Variants in ZNF365 observed in about 807,000 individuals in gnomAD.
The protein encoded by ZNF365 is protein ZNF365.
A neutral mutation model predicts 35.0 loss-of-function variants in ZNF365; 22 were observed. The observed-to-expected ratio is 0.63, with a 90% CI of 0.45 to 0.90. ZNF365 has a LOEUF of 0.90. Among genes scored for constraint, ZNF365 ranks in the 40% least tolerant of loss-of-function variants. The probability of loss-of-function intolerance (pLI) is 0.00; values close to 1 mark genes in which losing one functional copy is unlikely to be tolerated. For missense variants in ZNF365, 448 were observed against 500.3 expected (o/e 0.90, Z 1.00); for synonymous variants, 188 against 196.2 (o/e 0.96, Z 0.35).
At chr10:62,388,349 C>T in intron 2 of ZNF365, 47 bp from the exon 3 acceptor site, 1 of 1,609,484 alleles carries the variant, frequency 6.2e-7, no homozygotes, top group Non-Finnish European at 8.5e-7. Flanking sequence ...TGAGTGAATT[C>T]CTTGCCTTAT....
At position 62,388,483 on chromosome 10, in the gene ZNF365, T is replaced by A; in HGVS notation, c.831T>A (p.Asn277Lys). ...GKARLQDFIE[N>K]LLQRVELAEK... ...CCCGGCTCCAGGACTTTATTGAGAA[T>A]CTGTTACAGCGGGTAGAACTGGCGG... The change falls in exon 3 of 5, where the codon AAT becomes AAA. Residue 277 changes from asparagine to lysine, a missense_variant. By Grantham distance (94) the Asn-to-Lys change is moderately conservative (BLOSUM62 0). Transcript: ENST00000395254. The A allele has an allele frequency of 2.5e-6, 4 of 1,614,234 alleles. No individual in the cohort carries two copies. The highest frequency in any genetic ancestry group is 3.4e-6 in the Non-Finnish European group (4 of 1,180,046).
intron 3 of ZNF365, among the ~76,000 whole-genome samples, chr10:62,436,139 A>G (rs541139887): frequency 1.6e-4 from 24 of 152,240 alleles, no homozygotes; most frequent in Middle Eastern, 3.4e-3. Context: ...ACTTATATAT[A>G]TATAAAGGAG....
At chr10:62,443,038 C>T (rs1840527699) in intron 3 of ZNF365, among the ~76,000 whole-genome samples, 1 of 152,184 alleles carries the variant, frequency 6.6e-6, no homozygotes, top group Admixed American at 6.5e-5. Context: ...CTCAACCGGG[C>T]TTTGAATTCT....
intron 4 of ZNF365, 108 bp downstream of exon 4, chr10:62,398,885 A>G (rs761435655): frequency 4.3e-6 from 5 of 1,166,952 alleles, no homozygotes; most frequent in Non-Finnish European, 6.0e-6. Context: ...TCTATATTAT[A>G]AATGGCTTTG....
At chr10:62,378,145 T>C (rs1468122609) in intron 2 of ZNF365, among the ~76,000 whole-genome samples, 6 of 152,214 alleles carry the variant, frequency 3.9e-5, no homozygotes, top group African/African-American at 1.4e-4. Context: ...TAATGAAAAA[T>C]GTTTCCCTTT....
intron 3 of ZNF365, among the ~76,000 whole-genome samples, chr10:62,451,150 G>A (rs948906150): frequency 2.6e-5 from 4 of 152,186 alleles, no homozygotes; most frequent in Non-Finnish European, 5.9e-5. Context: ...TCGTGCGTGT[G>A]AGATGTAGGG....
intron 3 of ZNF365, among the ~76,000 whole-genome samples, chr10:62,449,786 C>T (rs565279173): frequency 6.7e-6 from 1 of 149,586 alleles, no homozygotes; most frequent in South Asian, 2.1e-4. Context: ...AGTTGGTCAA[C>T]TTTTTTGCAC....
intron 3 of ZNF365, among the ~76,000 whole-genome samples, chr10:62,419,872 G>GT (rs1840138729): frequency 6.6e-6 from 1 of 152,058 alleles, no homozygotes; most frequent in East Asian, 1.9e-4. Flanking sequence ...ATTAATTAAT[G>GT]TTTTATCATT....
intron 3 of ZNF365, among the ~76,000 whole-genome samples, chr10:62,395,943 C>G (rs1341936722): frequency 1.3e-5 from 2 of 152,176 alleles, no homozygotes; most frequent in Non-Finnish European, 2.9e-5. Context: ...TGATCCTCAT[C>G]TTAACATCCT....
At chr10:62,471,387 G>A (rs1348089592) in intron 4 of ZNF365, among the ~76,000 whole-genome samples, 1 of 145,644 alleles carries the variant, frequency 6.9e-6, no homozygotes, top group African/African-American at 2.6e-5. Context: ...AAAAAAAATA[G>A]GTATTCTCTC....
In ZNF365 at chr10:62,376,951, CA is replaced by C. The variant is rs771224158; in HGVS notation, c.743+16del. The C allele has an allele frequency of 6.2e-7, 1 of 1,602,832 alleles. No homozygotes were observed. Among genetic ancestry groups the C allele is most frequent in the Non-Finnish European group, 8.5e-7 (1 of 1,174,100 alleles). On this transcript the variant is annotated intron_variant, in intron 2 of 4. Transcript: ENST00000395254. ...AGGAAAGAAGAGTAAGTGTTGCTGA[CA>C]GGGGATGCTAACCCCATTGCTTTAA...
chr10:62,395,117 C>T (rs1839701230), intron 3 of ZNF365, among the ~76,000 whole-genome samples: 1 of 152,104 alleles, frequency 6.6e-6, no homozygotes, highest in African/African-American at 2.4e-5. Flanking sequence ...TTTCTGGGCT[C>T]TCTGTATCTT....
intron 4 of ZNF365, among the ~76,000 whole-genome samples, chr10:62,475,863 G>A (rs1589476364): frequency 3.3e-5 from 5 of 152,094 alleles, no homozygotes; most frequent in African/African-American, 1.2e-4. Flanking sequence ...GGTAGTGTGG[G>A]GGCTGGATTG....
At chr10:62,394,548 A>G (rs1201752484) in intron 3 of ZNF365, among the ~76,000 whole-genome samples, 1 of 152,208 alleles carries the variant, frequency 6.6e-6, no homozygotes, top group Non-Finnish European at 1.5e-5. Context: ...GACAGATGGG[A>G]TAGTAGGTCA....
Position 62,400,676 on chromosome 10 carries a change from G to A in ZNF365, c.*887G>A. ...TCGTGACCATCCTGGAAGCACTGCG[G>A]GTGTCGCCAAGCCCTTTCCTAAGAC... is the stretch of plus-strand genomic sequence containing the variant. On this transcript the variant is annotated 3_prime_UTR_variant, in exon 5 of 5. Transcript: ENST00000395254. 1.0e-6 allele frequency: 1 copy of A among 985,718 alleles called. No individual in the cohort carries two copies. The allele number at this position is 985,718 out of a possible 1,614,324, so 61.1% of individuals were successfully genotyped here.
At chr10:62,391,527 A>G (rs1367923788) in intron 3 of ZNF365, among the ~76,000 whole-genome samples, 1 of 152,266 alleles carries the variant, frequency 6.6e-6, no homozygotes, top group Non-Finnish European at 1.5e-5. Flanking sequence ...TACCTCACTT[A>G]GAATAACGGT....
intron 3 of ZNF365, among the ~76,000 whole-genome samples, chr10:62,435,292 C>G (rs1390902896): frequency 1.3e-5 from 2 of 152,108 alleles, no homozygotes; most frequent in African/African-American, 4.8e-5. Flanking sequence ...ATGGCAAGAC[C>G]AGCACCCAGG....
chr10:62,467,836 C>A (rs1840969676), intron 4 of ZNF365, among the ~76,000 whole-genome samples: 1 of 152,162 alleles, frequency 6.6e-6, no homozygotes. Context: ...TCTATTGTAA[C>A]TGTGGCACTC....
chr10:62,395,527 T>C (rs1839710496), intron 3 of ZNF365, among the ~76,000 whole-genome samples: 2 of 89,378 alleles, frequency 2.2e-5, no homozygotes, highest in Non-Finnish European at 5.3e-5. Context: ...TTTTTTTTTT[T>C]GTATTTTTAG....
Sources: gnomAD v4.1 joint callset for allele counts (sites outside exome capture counted in the v4.1 genomes callset) on GRCh38, gnomAD v4.1.1 for gene constraint, MANE v1.5 for transcripts, NCBI Gene and HGNC (gene_info 2026-07-23, HGNC 2026-07-21) for gene names.